The following RBFOX3 variants were observed in gnomAD, a reference collection of about 807,000 sequenced individuals.
RBFOX3 encodes RNA binding protein fox-1 homolog 3.
A neutral mutation model predicts 48.7 loss-of-function variants in RBFOX3; 17 were observed. The ratio of observed to expected loss-of-function variants is 0.35; its 90% CI spans 0.24 to 0.52. The LOEUF (loss-of-function observed/expected upper bound fraction) is 0.52, where lower values mean the gene tolerates loss of function less well. Among genes scored for constraint, RBFOX3 ranks in the 20% least tolerant of loss-of-function variants. RBFOX3 has a pLI of 0.94. For synonymous variants in RBFOX3, 212 were observed against 209.5 expected (o/e 1.01, Z -0.10); for missense variants, 382 against 497.5 (o/e 0.77, Z 2.21).
Position 79,264,923 on chromosome 17 carries a change from A to G in RBFOX3, c.-73-29118T>C, listed in dbSNP as rs73999938. On this transcript the variant is annotated intron_variant, in intron 3 of 14. Coordinates refer to ENST00000693108, the MANE Select transcript of RBFOX3 (RefSeq NM_001350451.2). ...GTGAGAACATGGGGAAGTGTCCGGC[A>G]TTACTGCCACGAATGCCCTTGGAGA... 3.0e-3 allele frequency among the ~76,000 whole-genome samples: 452 copies of G among 151,322 alleles called. 3 individuals are homozygous for G. Among genetic ancestry groups the G allele is most frequent in the African/African-American group, 0.011 (439 of 41,180 alleles).
chr17:79,457,848 G>A (rs1384010489), intron 2 of RBFOX3, among the ~76,000 whole-genome samples: 1 of 152,228 alleles, frequency 6.6e-6, no homozygotes, highest in Non-Finnish European at 1.5e-5. Flanking sequence ...GAGGCGACTT[G>A]AAGAACACAG....
chr17:79,546,074 A>C (rs2090389274), intron 1 of RBFOX3, among the ~76,000 whole-genome samples: 1 of 152,264 alleles, frequency 6.6e-6, no homozygotes, highest in Non-Finnish European at 1.5e-5. Flanking sequence ...ATAATGACAA[A>C]TTTAAAGCAA....
chr17:79,319,409 T>A (rs1004619311), intron 2 of RBFOX3, among the ~76,000 whole-genome samples: 4 of 152,222 alleles, frequency 2.6e-5, no homozygotes, highest in Non-Finnish European at 5.9e-5. Context: ...GAGGTCCCAC[T>A]TGGGCTGCCG....
At chr17:79,180,776 C>A (rs113274040) in intron 4 of RBFOX3, among the ~76,000 whole-genome samples, 1 of 152,000 alleles carries the variant, frequency 6.6e-6, no homozygotes, top group Non-Finnish European at 1.5e-5. Context: ...CGGAGTCCAC[C>A]GAGACACATG....
Position 79,248,457 on chromosome 17 carries a change from T to C in RBFOX3, c.-73-12652A>G, listed in dbSNP as rs1041120223. ...GAAGGGTGGGGGGTCTTAGAGACTT[T>C]GGTGGGATTCACTTGCACCAAGATG... On this transcript the variant is annotated intron_variant, in intron 3 of 14. Coordinates refer to ENST00000693108, the MANE Select transcript of RBFOX3 (RefSeq NM_001350451.2). 8.5e-5 allele frequency among the ~76,000 whole-genome samples: 13 copies of C among 152,266 alleles called. No homozygotes were observed. The South Asian group carries it at 2.3e-3, about 27-fold the overall frequency.
intron 2 of RBFOX3, among the ~76,000 whole-genome samples, chr17:79,439,674 T>G (rs1330741095): frequency 2.0e-5 from 3 of 152,244 alleles, no homozygotes; most frequent in African/African-American, 7.2e-5. Context: ...GCAAGCATGA[T>G]CGCATGTGCA....
chr17:79,096,940 C>A (rs114881471), intron 11 of RBFOX3, 107 bp from the exon 12 acceptor site: 4 of 605,486 alleles, frequency 6.6e-6, no homozygotes, highest in South Asian at 2.0e-5. Flanking sequence ...GCCCCCCACC[C>A]CTTTAGTGAT....
In RBFOX3 at chr17:79,396,038, A is replaced by G. The variant is rs114687284; in HGVS notation, c.-175+86416T>C. 7.8e-3 allele frequency among the ~76,000 whole-genome samples: 1,188 copies of G among 152,310 alleles called. 19 individuals carry two copies. The highest frequency in any genetic ancestry group is 0.027 in the African/African-American group (1,137 of 41,566). Reference sequence around the variant, plus strand: ...GTGTCATCTGGATGCTCAAGCTGCCAGGACCTGAGGATGTCTGAGCCCCTG... The same window carrying G: ...GTGTCATCTGGATGCTCAAGCTGCCGGGACCTGAGGATGTCTGAGCCCCTG... On this transcript the variant is annotated intron_variant, in intron 2 of 14. Coordinates refer to ENST00000693108, the MANE Select transcript of RBFOX3 (RefSeq NM_001350451.2).
chr17:79,125,728 G>A (rs1335827955), intron 4 of RBFOX3, among the ~76,000 whole-genome samples: 1 of 152,228 alleles, frequency 6.6e-6, no homozygotes, highest in African/African-American at 2.4e-5. Context: ...TGCGGGAAGG[G>A]CGCCGCGTGG....
intron 4 of RBFOX3, among the ~76,000 whole-genome samples, chr17:79,143,029 A>G (rs1235561388): frequency 1.3e-5 from 2 of 152,128 alleles, no homozygotes; most frequent in Non-Finnish European, 2.9e-5. Context: ...TGCTGTGTGA[A>G]GGATGCTGGT....
At chr17:79,623,043 T>C in the RBFOX3 span, among the ~76,000 whole-genome samples, 12,401 of 152,170 alleles carry the variant, frequency 0.081, 1,690 homozygotes, top group African/African-American at 0.28. Context: ...TACACTCATG[T>C]ACACCTGACC....
chr17:79,207,766 G>A (rs1032829149), intron 4 of RBFOX3, among the ~76,000 whole-genome samples: 1 of 152,152 alleles, frequency 6.6e-6, no homozygotes. Context: ...TTGGAGACTG[G>A]GGTGCACACC....
At chr17:79,632,199 C>G in the RBFOX3 span, among the ~76,000 whole-genome samples, 2 of 152,072 alleles carry the variant, frequency 1.3e-5, no homozygotes, top group African/African-American at 2.4e-5. Context: ...ATATTCTGAA[C>G]AGAATTTAAT....
intron 2 of RBFOX3, among the ~76,000 whole-genome samples, chr17:79,315,073 C>A (rs78346204): frequency 6.6e-6 from 1 of 151,948 alleles, no homozygotes; most frequent in African/African-American, 2.4e-5. Context: ...GAGTGAGAGA[C>A]CCTGATTATA....
At chr17:79,239,590 C>T (rs1001618013) in intron 3 of RBFOX3, among the ~76,000 whole-genome samples, 1 of 152,248 alleles carries the variant, frequency 6.6e-6, no homozygotes, top group African/African-American at 2.4e-5. Context: ...CGGCGGGGCA[C>T]TGCACAACTC....
intron 3 of RBFOX3, among the ~76,000 whole-genome samples, chr17:79,292,738 C>T (rs2073580345): frequency 6.6e-6 from 1 of 152,306 alleles, no homozygotes; most frequent in East Asian, 1.9e-4. Flanking sequence ...GATCCTTTTG[C>T]TTTCTTTCCT....
chr17:79,453,961 C>T (rs1568278307), intron 2 of RBFOX3, among the ~76,000 whole-genome samples: 1 of 152,254 alleles, frequency 6.6e-6, no homozygotes, highest in African/African-American at 2.4e-5. Flanking sequence ...CAGGCCATGA[C>T]CTGGGGCGGT....
chr17:79,357,109 C>T (rs1022020714), intron 2 of RBFOX3, among the ~76,000 whole-genome samples: 36 of 152,248 alleles, frequency 2.4e-4, no homozygotes, highest in African/African-American at 7.2e-4. Flanking sequence ...CGCCCACACC[C>T]GCTGGTGACA....
In RBFOX3 at chr17:79,482,960, G is replaced by A. The variant is rs797036267; in HGVS notation, c.-319-362C>T. ...CCTCCCCATCGCCTTTCCCACTACCGCCCGCTCTTGCTTCCTCCCCCACCC... is the reference window on the plus strand; with the variant it reads ...CCTCCCCATCGCCTTTCCCACTACCACCCGCTCTTGCTTCCTCCCCCACCC... On this transcript the variant is annotated intron_variant, in intron 1 of 14. Coordinates refer to ENST00000693108, the MANE Select transcript of RBFOX3 (RefSeq NM_001350451.2). The surrounding 1 kb of genome is among the most constrained non-coding windows in gnomAD (Gnocchi z 4.1). 8.9e-5 allele frequency among the ~76,000 whole-genome samples: 13 copies of A among 146,088 alleles called. No individual in the cohort carries two copies. In the East Asian group the frequency reaches 1.6e-3, roughly 18 times the overall value.
Sources: gnomAD v4.1 joint callset for allele counts (sites outside exome capture counted in the v4.1 genomes callset) on GRCh38, gnomAD v4.1.1 for gene constraint, Gnocchi (gnomAD v3.1) non-coding constraint, MANE v1.5 for transcripts, NCBI Gene and HGNC (gene_info 2026-07-23, HGNC 2026-07-21) for gene names.